The following FAM227B variants were observed in gnomAD, a reference collection of about 807,000 sequenced individuals.
FAM227B encodes the protein family with sequence similarity 227 member B, also known as protein FAM227B.
Under a neutral mutation model 73.8 loss-of-function variants are expected in FAM227B, and 88 were observed. The observed-to-expected ratio is 1.19, with a 90% CI of 1.00 to 1.42. FAM227B has a LOEUF of 1.42. Among genes scored for constraint, FAM227B ranks in the 40% most tolerant of loss-of-function variants. FAM227B has a pLI of 0.00. For missense variants in FAM227B, 632 were observed against 590.9 expected (o/e 1.07, Z -0.72); for synonymous variants, 210 against 190.5 (o/e 1.10, Z -0.84).
intron 11 of FAM227B, among the ~76,000 whole-genome samples, chr15:49,472,683 T>A (rs1186863536): frequency 1.3e-5 from 2 of 152,172 alleles, no homozygotes; most frequent in Non-Finnish European, 2.9e-5. Flanking sequence ...TATACTGTCA[T>A]AAGCTTGAAG....
chr15:49,456,433 G>T (rs1401223978), intron 11 of FAM227B, among the ~76,000 whole-genome samples: 1 of 152,104 alleles, frequency 6.6e-6, no homozygotes, highest in Non-Finnish European at 1.5e-5. Flanking sequence ...AATGTAAAAT[G>T]TAATGCTATG....
intron 9 of FAM227B, among the ~76,000 whole-genome samples, chr15:49,556,804 G>A (rs751484599): frequency 9.2e-5 from 14 of 152,176 alleles, no homozygotes; most frequent in Non-Finnish European, 2.1e-4. Context: ...ATTTCTGGTT[G>A]TGCTCCATCA....
At chr15:49,489,690 A>G (rs34833569) in intron 11 of FAM227B, among the ~76,000 whole-genome samples, 7,948 of 148,630 alleles carry the variant, frequency 0.053, 318 homozygotes, top group East Asian at 0.12. Flanking sequence ...AATAAGACCT[A>G]AAAAGACTTG....
intron 3 of FAM227B, among the ~76,000 whole-genome samples, chr15:49,604,435 T>C (rs1355795093): frequency 6.6e-6 from 1 of 152,164 alleles, no homozygotes; most frequent in Non-Finnish European, 1.5e-5. Context: ...ATCTTATAAC[T>C]GTATATAATA....
chr15:49,386,213 C>T (rs774560796), intron 11 of FAM227B, among the ~76,000 whole-genome samples: 4 of 151,284 alleles, frequency 2.6e-5, no homozygotes, highest in Admixed American at 6.6e-5. Context: ...CTCATGAGCA[C>T]GTGGAACATT....
intron 10 of FAM227B, among the ~76,000 whole-genome samples, chr15:49,527,622 A>G (rs2060300351): frequency 6.6e-6 from 1 of 151,954 alleles, no homozygotes; most frequent in African/African-American, 2.4e-5. Flanking sequence ...TTCCTCCAAA[A>G]GACTCACAGA....
rs150280542 is a variant in FAM227B at position 49,415,201 on chromosome 15, C to T, written c.1013-43802G>A. Among the ~76,000 whole-genome samples the T allele has an allele frequency of 2.3e-4, 35 of 152,206 alleles. No homozygotes were observed. In the East Asian group the frequency reaches 6.6e-3, roughly 29 times the overall value. ...AAAAATTGCTATTGCTAGTTTTACC[C>T]CTCATTTTGCTGCCTTGCTACATAG... On this transcript the variant is annotated intron_variant, in intron 11 of 15. Coordinates refer to ENST00000299338, the MANE Select transcript of FAM227B (RefSeq NM_152647.3).
At chr15:49,450,478 G>C (rs1401789900) in intron 11 of FAM227B, among the ~76,000 whole-genome samples, 1 of 151,952 alleles carries the variant, frequency 6.6e-6, no homozygotes, top group Admixed American at 6.6e-5. Flanking sequence ...CACCATTAGA[G>C]AGCCATTTTA....
rs1003995760 is a variant in FAM227B, at chr15:49,399,430, A to G, written c.1013-28031T>C. 7.4e-4 allele frequency among the ~76,000 whole-genome samples: 112 copies of G among 150,592 alleles called. 2 individuals are homozygous for G. In the South Asian group the frequency reaches 0.01, roughly 14 times the overall value. ...AATTCTACCAGAGGTACAAGGAGGA[A>G]CTGGTACCATTCCTTCTGAAAATAT... On this transcript the variant is annotated intron_variant, in intron 11 of 15. Transcript: ENST00000299338.
At chr15:49,448,429 T>G (rs546963615) in intron 11 of FAM227B, among the ~76,000 whole-genome samples, 24 of 151,886 alleles carry the variant, frequency 1.6e-4, no homozygotes, top group Non-Finnish European at 2.5e-4. Flanking sequence ...GTATATTAAT[T>G]GTTCATTAAA....
At chr15:49,556,909 C>T (rs1429079204) in intron 9 of FAM227B, among the ~76,000 whole-genome samples, 5 of 152,188 alleles carry the variant, frequency 3.3e-5, no homozygotes, top group Admixed American at 1.3e-4. Context: ...CTCAAGCGTC[C>T]ATAGGGGTCA....
At position 49,352,645 on chromosome 15, in the gene FAM227B, A is replaced by G. The variant is rs560394021; in HGVS notation, c.1271+14803T>C. Among the ~76,000 whole-genome samples the G allele has an allele frequency of 9.1e-4, 139 of 152,302 alleles. 5 individuals carry two copies. In the South Asian group the frequency reaches 0.028, roughly 30 times the overall value. ...TTTAACAATATTGAGAGTAAGCAAA[A>G]ATAACTTAGTTACTTGCTCCAGAAC... is the stretch of plus-strand genomic sequence containing the variant. On this transcript the variant is annotated intron_variant, in intron 13 of 15. Transcript: ENST00000299338.
At chr15:49,531,658 G>A (rs1426695990) in intron 10 of FAM227B, among the ~76,000 whole-genome samples, 1 of 151,932 alleles carries the variant, frequency 6.6e-6, no homozygotes, top group Non-Finnish European at 1.5e-5. Flanking sequence ...AAAGCATTGT[G>A]CATTACTCCC....
intron 11 of FAM227B, among the ~76,000 whole-genome samples, chr15:49,476,116 TCATC>T (rs1396604304): frequency 6.6e-6 from 1 of 152,108 alleles, no homozygotes; most frequent in Admixed American, 6.5e-5. Context: ...TCAACTCTAT[TCATC>T]CATCAAGATC....
chr15:49,579,418 T>C (rs1194409813), intron 5 of FAM227B, among the ~76,000 whole-genome samples: 4 of 152,062 alleles, frequency 2.6e-5, no homozygotes, highest in Non-Finnish European at 5.9e-5. Context: ...AAAGGATAAA[T>C]AGATAAAATG....
intron 11 of FAM227B, among the ~76,000 whole-genome samples, chr15:49,407,090 TGGGAGCAAGCCAAGCCTAGG>T (rs2151664018): frequency 6.6e-6 from 1 of 152,306 alleles, no homozygotes; most frequent in South Asian, 2.1e-4. Flanking sequence ...ATGTCTCCTA[TGGGAGCAAGCCAAGCCTAGG>T]AGGATGGCTG....
rs185300163 is a variant in FAM227B, at chr15:49,565,478, G to A, written c.747+2767C>T. 2.4e-3 allele frequency among the ~76,000 whole-genome samples: 361 copies of A among 151,786 alleles called. 2 individuals are homozygous for A. Among genetic ancestry groups the A allele is most frequent in the Non-Finnish European group, 3.3e-3 (221 of 67,966 alleles). ...CCTAAACTATTAAATTCCTCTCAGG[G>A]AGTGACTCAACATAGAAAAACACAA... On this transcript the variant is annotated intron_variant, in intron 9 of 15. Transcript: ENST00000299338.
At chr15:49,426,122 C>T (rs2050112325) in intron 11 of FAM227B, among the ~76,000 whole-genome samples, 1 of 151,622 alleles carries the variant, frequency 6.6e-6, no homozygotes. Context: ...ACACATGGGG[C>T]AACTCCCTGT....
intron 11 of FAM227B, among the ~76,000 whole-genome samples, chr15:49,429,414 C>G (rs2050399843): frequency 6.6e-6 from 1 of 151,916 alleles, no homozygotes; most frequent in East Asian, 1.9e-4. Context: ...TTATGAAGTG[C>G]TAATAAGTTC....
Sources: allele counts gnomAD v4.1 joint callset (sites outside exome capture counted in the v4.1 genomes callset), GRCh38; gene constraint gnomAD v4.1.1; transcripts MANE v1.5; gene names NCBI Gene and HGNC (gene_info 2026-07-23, HGNC 2026-07-21).